Variants in FAR2 observed in about 807,000 individuals in gnomAD.
The protein encoded by FAR2 is fatty acyl-CoA reductase 2, also known as epididymis secretory protein Li 81.
In FAR2, 19 loss-of-function variants were observed where a neutral mutation model predicts 56.0. The observed-to-expected ratio is 0.34, with a 90% CI of 0.24 to 0.50. The LOEUF is 0.50. Ranked by LOEUF, FAR2 falls within the 20% of genes least tolerant of loss-of-function variation. FAR2 has a pLI of 0.98. For missense variants in FAR2, 508 were observed against 642.2 expected (o/e 0.79, Z 2.26); for synonymous variants, 219 against 218.8 (o/e 1.00, Z -0.01).
intron 1 of FAR2, among the ~76,000 whole-genome samples, chr12:29,164,532 T>C (rs1949809431): frequency 6.6e-6 from 1 of 152,220 alleles, no homozygotes; most frequent in Non-Finnish European, 1.5e-5. Context: ...GGTGACATAC[T>C]GGTCATCCAA....
chr12:29,325,731 T>C (rs1295303597), intron 10 of FAR2, among the ~76,000 whole-genome samples: 1 of 152,098 alleles, frequency 6.6e-6, no homozygotes, highest in Non-Finnish European at 1.5e-5. Flanking sequence ...TACCAGAATT[T>C]CTGGGACACA....
chr12:29,295,410 CTT>C, intron 3 of FAR2, among the ~76,000 whole-genome samples: 1 of 152,244 alleles, frequency 6.6e-6, no homozygotes, highest in South Asian at 2.1e-4. Flanking sequence ...TTACTGTTCT[CTT>C]TGCATATACT....
At chr12:29,273,816 C>T (rs1363553970) in intron 2 of FAR2, among the ~76,000 whole-genome samples, 1 of 152,224 alleles carries the variant, frequency 6.6e-6, no homozygotes, top group East Asian at 1.9e-4. Context: ...ATAGGTTGCA[C>T]TGTTCCATGG....
At chr12:29,189,644 A>G (rs1336078488) in intron 1 of FAR2, among the ~76,000 whole-genome samples, 7 of 152,226 alleles carry the variant, frequency 4.6e-5, no homozygotes, top group Non-Finnish European at 7.3e-5. Context: ...ATATATATAC[A>G]CATATCTATA....
At chr12:29,253,172 TC>T (rs1323127148) in intron 1 of FAR2, among the ~76,000 whole-genome samples, 1 of 150,884 alleles carries the variant, frequency 6.6e-6, no homozygotes, top group African/African-American at 2.5e-5. Flanking sequence ...ATTCTTTCTC[TC>T]CCTATCTCTC....
At position 29,316,859 on chromosome 12, in the gene FAR2, C is replaced by G; in HGVS notation, c.974C>G (p.Thr325Ser). The G allele has an allele frequency of 6.2e-7, 1 of 1,614,034 alleles. No individual in the cohort carries two copies. ...TCCCCAGGAGTCCAAGTCTTGGCAA[C>G]CTTTGAAAAAATCCCATTTGAGAGA... Reference protein sequence around the residue: ...WHKMGVQVLATFEKIPFERPF... With the variant: ...WHKMGVQVLASFEKIPFERPF... Residue 325 changes from threonine (T) to serine (S), a missense_variant, in exon 9 of 12, where the codon ACC (threonine) becomes AGC (serine). Physicochemically the swap from Thr to Ser is moderately conservative, Grantham distance 58 (BLOSUM62 1). Coordinates refer to ENST00000536681, the MANE Select transcript of FAR2 (RefSeq NM_001271783.2).
chr12:29,234,471 T>C (rs890231003), intron 1 of FAR2, among the ~76,000 whole-genome samples: 1 of 152,156 alleles, frequency 6.6e-6, no homozygotes, highest in Non-Finnish European at 1.5e-5. Flanking sequence ...TTTCACCCTT[T>C]TCACAGCTAT....
chr12:29,167,635 G>A (rs1949841598), intron 1 of FAR2, among the ~76,000 whole-genome samples: 1 of 152,024 alleles, frequency 6.6e-6, no homozygotes, highest in African/African-American at 2.4e-5. Context: ...TTTTCCTCTT[G>A]TGGTTGAATG....
At chr12:29,296,980 GACTT>G (rs1949082337) in intron 3 of FAR2, 37 bp from the exon 4 acceptor site, 1 of 1,539,084 alleles carries the variant, frequency 6.5e-7, no homozygotes, top group African/African-American at 1.4e-5. Context: ...GCATGATACT[GACTT>G]ACTTCATTGT....
chr12:29,204,735 G>A lies in FAR2; in HGVS notation c.-39+55328G>A, dbSNP rs114523623. ...TAACAATCATGGCGGAAGGGGAAGA[G>A]GAAGCAGGCACATCTTACATGGCCA... is the stretch of plus-strand genomic sequence containing the variant. On this transcript the variant is annotated intron_variant, in intron 1 of 11. Coordinates refer to ENST00000536681, the MANE Select transcript of FAR2 (RefSeq NM_001271783.2). Among the ~76,000 whole-genome samples the A allele has an allele frequency of 5.6e-3, 859 of 152,284 alleles. 10 individuals are homozygous for A. The highest frequency in any genetic ancestry group is 0.02 in the African/African-American group (812 of 41,562).
At chr12:29,188,564 T>C (rs1950067584) in intron 1 of FAR2, among the ~76,000 whole-genome samples, 1 of 152,186 alleles carries the variant, frequency 6.6e-6, no homozygotes, top group African/African-American at 2.4e-5. Context: ...CCACCATTGT[T>C]AGCATCTTAA....
chr12:29,157,104 TTTTATATATA>T (rs1448116169), intron 1 of FAR2: 3 of 53,694 alleles, frequency 5.6e-5, no homozygotes, highest in African/African-American at 2.2e-4. Context: ...GCAAAGAACA[TTTTATATATA>T]TATATATATA....
At chr12:29,169,004 G>T (rs1213789138) in intron 1 of FAR2, among the ~76,000 whole-genome samples, 1 of 152,150 alleles carries the variant, frequency 6.6e-6, no homozygotes, top group Non-Finnish European at 1.5e-5. Context: ...GCTAGACACA[G>T]AGCACTGATT....
chr12:29,305,823 G>A (rs891922192), intron 4 of FAR2, among the ~76,000 whole-genome samples: 2 of 152,046 alleles, frequency 1.3e-5, no homozygotes, highest in Admixed American at 6.6e-5. Context: ...AGAAATCTAC[G>A]AAACCAAAAT....
chr12:29,194,354 T>C (rs562982468), intron 1 of FAR2, among the ~76,000 whole-genome samples: 11 of 152,114 alleles, frequency 7.2e-5, no homozygotes, highest in Admixed American at 6.5e-5. Context: ...TCGTGAAAAA[T>C]TGATGTTTAA....
chr12:29,163,246 T>C (rs1949797639), intron 1 of FAR2, among the ~76,000 whole-genome samples: 1 of 152,224 alleles, frequency 6.6e-6, no homozygotes, highest in Non-Finnish European at 1.5e-5. Context: ...AGTTTTCTAT[T>C]TGTTAAATGG....
At chr12:29,283,574 G>A (rs1948820531) in intron 2 of FAR2, among the ~76,000 whole-genome samples, 1 of 151,054 alleles carries the variant, frequency 6.6e-6, no homozygotes, top group Non-Finnish European at 1.5e-5. Flanking sequence ...TTTTAGTTTT[G>A]AAACTGTTTA....
intron 2 of FAR2, among the ~76,000 whole-genome samples, chr12:29,283,191 T>G (rs1221938793): frequency 6.6e-6 from 1 of 152,182 alleles, no homozygotes; most frequent in East Asian, 1.9e-4. Flanking sequence ...TTTTATAAAA[T>G]AGTAAATGAC....
intron 1 of FAR2, among the ~76,000 whole-genome samples, chr12:29,191,370 T>C (rs1715144422): frequency 6.6e-6 from 1 of 152,232 alleles, no homozygotes; most frequent in African/African-American, 2.4e-5. Flanking sequence ...CAGGTGATTC[T>C]CCATAAAAGT....
Sources: allele counts gnomAD v4.1 joint callset (sites outside exome capture counted in the v4.1 genomes callset), GRCh38; gene constraint gnomAD v4.1.1; transcripts MANE v1.5; gene names NCBI Gene and HGNC (gene_info 2026-07-23, HGNC 2026-07-21).